Variants in DTNA observed in about 807,000 individuals in gnomAD.
The protein encoded by DTNA is dystrobrevin alpha, also known as dystrophin-related protein 3.
A neutral mutation model predicts 100.7 loss-of-function variants in DTNA; 43 were observed. That is an observed-to-expected ratio of 0.43 (90% CI 0.33 to 0.55). The LOEUF is 0.55. DTNA is among the 20% of genes least tolerant of loss of function. The pLI is 0.04. For synonymous variants in DTNA, 349 were observed against 347.9 expected, an observed-to-expected ratio of 1.00 and a Z score of -0.04; for missense variants, 798 against 953.9, an observed-to-expected ratio of 0.84 and a Z score of 2.15.
At chr18:34,576,109 T>C (rs2849493) in intron 1 of DTNA, among the ~76,000 whole-genome samples, 14,046 of 152,224 alleles carry the variant, frequency 0.092, 651 homozygotes, top group South Asian at 0.11. Context: ...GAACCATCTT[T>C]TGGGGAAAAT....
intron 1 of DTNA, among the ~76,000 whole-genome samples, chr18:34,616,576 T>C (rs979167000): frequency 2.6e-5 from 4 of 152,200 alleles, no homozygotes; most frequent in African/African-American, 9.6e-5. Context: ...TGCCTCCAGC[T>C]TTGTTCTTTT....
At chr18:34,659,416 C>T (rs565726190) in intron 1 of DTNA, among the ~76,000 whole-genome samples, 11 of 152,092 alleles carry the variant, frequency 7.2e-5, no homozygotes, top group Admixed American at 1.3e-4. Flanking sequence ...TTGGGCTAGC[C>T]GCATTTCAAC....
At chr18:34,622,031 T>A (rs2056595862) in intron 1 of DTNA, among the ~76,000 whole-genome samples, 1 of 152,102 alleles carries the variant, frequency 6.6e-6, no homozygotes, top group African/African-American at 2.4e-5. Context: ...GGAGATATTG[T>A]CCAAAGGATA....
chr18:34,656,752 A>G (rs1188915274), intron 1 of DTNA, among the ~76,000 whole-genome samples: 4 of 152,242 alleles, frequency 2.6e-5, no homozygotes, highest in African/African-American at 9.6e-5. Flanking sequence ...AGAAAATTAT[A>G]GTTGTTAGAT....
At chr18:34,745,638 C>T (rs1199828291) in intron 1 of DTNA, among the ~76,000 whole-genome samples, 1 of 152,188 alleles carries the variant, frequency 6.6e-6, no homozygotes, top group Non-Finnish European at 1.5e-5. Context: ...CACTGTTCCA[C>T]CTTAGCCTTT....
chr18:34,803,778 A>G (rs1428880364), intron 4 of DTNA, among the ~76,000 whole-genome samples: 1 of 152,206 alleles, frequency 6.6e-6, no homozygotes, highest in Non-Finnish European at 1.5e-5. Context: ...GCTGGTTTTT[A>G]CAAAATCATT....
At chr18:34,827,528 G>A (rs1477817550) in intron 9 of DTNA, 65 bp from the exon 10 acceptor site, 1 of 1,479,446 alleles carries the variant, frequency 6.8e-7, no homozygotes, top group African/African-American at 1.4e-5. Context: ...GAGGGATGAG[G>A]GAGAGTTTTA....
intron 1 of DTNA, among the ~76,000 whole-genome samples, chr18:34,720,031 G>A (rs2084931689): frequency 6.6e-6 from 1 of 152,140 alleles, no homozygotes. Context: ...GTCTTACTAG[G>A]AATTAAATGC....
chr18:34,703,297 C>G (rs2081641263), intron 1 of DTNA, among the ~76,000 whole-genome samples: 1 of 152,114 alleles, frequency 6.6e-6, no homozygotes, highest in African/African-American at 2.4e-5. Flanking sequence ...TAATGTCTTC[C>G]TAACTTGTAT....
At chr18:34,747,712 G>A (rs971596431) in intron 1 of DTNA, among the ~76,000 whole-genome samples, 1 of 152,048 alleles carries the variant, frequency 6.6e-6, no homozygotes, top group African/African-American at 2.4e-5. Flanking sequence ...AGGTGTATAT[G>A]TATACCACAT....
chr18:34,607,199 G>A (rs775446610), intron 1 of DTNA, among the ~76,000 whole-genome samples: 1 of 152,158 alleles, frequency 6.6e-6, no homozygotes, highest in Non-Finnish European at 1.5e-5. Context: ...AATACTGTTT[G>A]TGTCCTTAGA....
At chr18:34,603,303 T>C (rs1232359568) in intron 1 of DTNA, among the ~76,000 whole-genome samples, 1 of 152,050 alleles carries the variant, frequency 6.6e-6, no homozygotes, top group Non-Finnish European at 1.5e-5. Flanking sequence ...TAATTAAAAG[T>C]GCAATAATAT....
rs887093875 is a variant in DTNA, at chr18:34,667,497, G to C, written c.-1-88479G>C. 1.2e-3 allele frequency among the ~76,000 whole-genome samples: 185 copies of C among 152,280 alleles called. 1 individual carries two copies. Among genetic ancestry groups the C allele is most frequent in the East Asian group, 1.9e-3 (10 of 5,192 alleles). On this transcript the variant is annotated intron_variant, in intron 1 of 19. Transcript: ENST00000283365. ...TGGTGAGAGAGGGCATCCCTGTCTTGTGCCAGTTTTCAAAGGGAATGCTTC... is the reference window on the plus strand; with the variant it reads ...TGGTGAGAGAGGGCATCCCTGTCTTCTGCCAGTTTTCAAAGGGAATGCTTC...
At chr18:34,553,023 A>G (rs1265419957) in intron 1 of DTNA, among the ~76,000 whole-genome samples, 3 of 151,058 alleles carry the variant, frequency 2.0e-5, no homozygotes, top group African/African-American at 7.3e-5. Context: ...ATTTCTCCAC[A>G]TCCTCCCCAG....
In DTNA at chr18:34,722,608, C is replaced by A. The variant is rs530592116; in HGVS notation, c.-2+12163C>A. Among the ~76,000 whole-genome samples, 283 of 143,374 alleles carry A rather than the reference C, an allele frequency of 2.0e-3. 1 individual carries two copies. The highest frequency in any genetic ancestry group is 3.7e-3 in the Middle Eastern group (1 of 270). The allele number at this position is 143,374 out of a possible 152,430, so 94.1% of individuals were successfully genotyped here. On this transcript the variant is annotated intron_variant, in intron 1 of 22. Transcript: ENST00000444659. ...AGGTTTTGACATATATATATACATA[C>A]ACACACACACACACACACACACATA... is the stretch of plus-strand genomic sequence containing the variant.
At chr18:34,521,571 C>G (rs1444023877) in intron 1 of DTNA, among the ~76,000 whole-genome samples, 1 of 152,176 alleles carries the variant, frequency 6.6e-6, no homozygotes, top group Non-Finnish European at 1.5e-5. Flanking sequence ...ACCTCCCTCT[C>G]TAGCTTCATC....
chr18:34,555,682 G>A (rs9955234), intron 1 of DTNA, among the ~76,000 whole-genome samples: 208 of 152,164 alleles, frequency 1.4e-3, no homozygotes, highest in African/African-American at 4.7e-3. Flanking sequence ...GTAGTTGAGC[G>A]GTTTTGAGTG....
chr18:34,762,523 T>C (rs2093243581), intron 2 of DTNA, among the ~76,000 whole-genome samples: 1 of 152,182 alleles, frequency 6.6e-6, no homozygotes, highest in African/African-American at 2.4e-5. Context: ...TTATAAACTT[T>C]CAAGAAAAGA....
At chr18:34,504,880 C>A (rs1330464871) in intron 1 of DTNA, among the ~76,000 whole-genome samples, 2 of 152,158 alleles carry the variant, frequency 1.3e-5, no homozygotes, top group African/African-American at 4.8e-5. Context: ...TGACTTCTGT[C>A]AAATTTGGGA....
Sources: gnomAD v4.1 joint callset for allele counts (sites outside exome capture counted in the v4.1 genomes callset) on GRCh38, gnomAD v4.1.1 for gene constraint, MANE v1.5 for transcripts, NCBI Gene and HGNC (gene_info 2026-07-23, HGNC 2026-07-21) for gene names.